The following NTM variants were observed in gnomAD, a reference collection of about 807,000 sequenced individuals.
The protein encoded by NTM is IgLON family member 2.
NTM carries 13 observed loss-of-function variants against 42.1 expected under a neutral mutation model. That is an observed-to-expected ratio of 0.31 (90% confidence interval 0.20 to 0.49). The LOEUF (loss-of-function observed/expected upper bound fraction) is 0.49. Ranked by LOEUF, NTM falls within the 20% of genes least tolerant of loss-of-function variation. The probability of loss-of-function intolerance (pLI) is 0.99; values close to 1 mark genes in which losing one functional copy is unlikely to be tolerated. For missense variants in NTM, 373 were observed against 452.8 expected, an observed-to-expected ratio of 0.82 and a Z score of 1.60; for synonymous variants, 187 against 179.2, an observed-to-expected ratio of 1.04 and a Z score of -0.35.
At chr11:131,507,976 C>A (rs974043978) in intron 1 of NTM, among the ~76,000 whole-genome samples, 4 of 152,082 alleles carry the variant, frequency 2.6e-5, no homozygotes, top group African/African-American at 9.7e-5. Context: ...TAGGCACGGG[C>A]AAGGACTTCA....
chr11:132,191,378 C>A (rs1035674174), intron 3 of NTM, among the ~76,000 whole-genome samples: 8 of 152,214 alleles, frequency 5.3e-5, no homozygotes, highest in African/African-American at 1.9e-4. Flanking sequence ...CAAGTTCCAG[C>A]CCAACAGGGT....
chr11:131,372,523 A>G (rs1481556749), intron 1 of NTM, among the ~76,000 whole-genome samples: 2 of 152,122 alleles, frequency 1.3e-5, no homozygotes, highest in Admixed American at 1.3e-4. Context: ...AGCTGAGTTC[A>G]GGATCGGGCA....
intron 1 of NTM, among the ~76,000 whole-genome samples, chr11:131,390,941 G>A (rs868608865): frequency 3.3e-5 from 5 of 152,086 alleles, no homozygotes; most frequent in Non-Finnish European, 1.5e-5. Flanking sequence ...GCTCACTCAG[G>A]GTTCGTATGT....
chr11:132,022,583 C>T (rs188272206), intron 2 of NTM, among the ~76,000 whole-genome samples: 72 of 152,340 alleles, frequency 4.7e-4, no homozygotes, highest in Non-Finnish European at 8.8e-5. Flanking sequence ...CTAGATCCTA[C>T]CTCTGACTGT....
At chr11:132,150,983 T>A (rs2071765914) in intron 3 of NTM, among the ~76,000 whole-genome samples, 1 of 152,194 alleles carries the variant, frequency 6.6e-6, no homozygotes. Flanking sequence ...GTCCTGAACA[T>A]AATCTTTTTG....
intron 2 of NTM, among the ~76,000 whole-genome samples, chr11:131,922,433 C>T (rs578235712): frequency 4.5e-4 from 68 of 152,322 alleles, no homozygotes; most frequent in East Asian, 1.9e-4. Context: ...GTACCCTTGA[C>T]GCAAGGCCCA....
chr11:132,218,612 T>A (rs2084437580), intron 4 of NTM, among the ~76,000 whole-genome samples: 1 of 152,076 alleles, frequency 6.6e-6, no homozygotes, highest in South Asian at 2.1e-4. Context: ...TCTGCTAGAG[T>A]ATCAGAATCC....
chr11:131,810,441 C>G (rs1385185386), intron 1 of NTM, among the ~76,000 whole-genome samples: 3 of 152,174 alleles, frequency 2.0e-5, no homozygotes, highest in African/African-American at 7.2e-5. Context: ...TCTGCACCCC[C>G]CAATCTGGAC....
chr11:132,275,805 C>T (rs770719354), intron 4 of NTM, among the ~76,000 whole-genome samples: 3 of 139,572 alleles, frequency 2.1e-5, no homozygotes, highest in East Asian at 4.0e-4. Flanking sequence ...GTATAGCCAT[C>T]GCCTCATGTA....
At chr11:132,318,836 G>A (rs1048597608) in intron 7 of NTM, among the ~76,000 whole-genome samples, 3 of 152,154 alleles carry the variant, frequency 2.0e-5, no homozygotes, top group African/African-American at 7.2e-5. Flanking sequence ...TCAGAGGATG[G>A]CTGTAGACTT....
intron 1 of NTM, among the ~76,000 whole-genome samples, chr11:131,613,258 C>T (rs976798602): frequency 1.3e-5 from 2 of 152,200 alleles, no homozygotes; most frequent in African/African-American, 4.8e-5. Context: ...ACAAGCAGAC[C>T]CTGATGCCCT....
chr11:131,983,116 C>G (rs578058290), intron 2 of NTM, among the ~76,000 whole-genome samples: 23 of 151,608 alleles, frequency 1.5e-4, no homozygotes, highest in Middle Eastern at 3.4e-3. Context: ...GAGGCAAAAG[C>G]AAATCTGCCT....
chr11:131,446,242 A>T (rs1350140080), intron 1 of NTM, among the ~76,000 whole-genome samples: 1 of 149,782 alleles, frequency 6.7e-6, no homozygotes, highest in Admixed American at 6.7e-5. Context: ...TACAATTTGC[A>T]TTCTGGACAA....
At chr11:131,886,194 A>C (rs1173064817) in intron 1 of NTM, among the ~76,000 whole-genome samples, 1 of 152,158 alleles carries the variant, frequency 6.6e-6, no homozygotes, top group African/African-American at 2.4e-5. Context: ...TCCTGGTTAA[A>C]TGCTTTCTAG....
At chr11:132,018,322 C>T (rs1379898153) in intron 2 of NTM, among the ~76,000 whole-genome samples, 1 of 151,862 alleles carries the variant, frequency 6.6e-6, no homozygotes, top group East Asian at 1.9e-4. Context: ...TGGGGGAAAA[C>T]ATTTAGTCTT....
chr11:131,740,198 C>T (rs957572972), intron 1 of NTM, among the ~76,000 whole-genome samples: 2 of 152,152 alleles, frequency 1.3e-5, no homozygotes, highest in African/African-American at 4.8e-5. Flanking sequence ...ATTCAATTCC[C>T]AGCCTCACTG....
intron 1 of NTM, among the ~76,000 whole-genome samples, chr11:131,417,542 T>C (rs1226655689): frequency 6.6e-6 from 1 of 152,210 alleles, no homozygotes; most frequent in East Asian, 1.9e-4. Flanking sequence ...TGGGTTATTC[T>C]GAATACTGTA....
At chr11:132,044,423 C>G (rs2077694958) in intron 2 of NTM, among the ~76,000 whole-genome samples, 1 of 152,110 alleles carries the variant, frequency 6.6e-6, no homozygotes, top group African/African-American at 2.4e-5. Context: ...GTTGGGAAAT[C>G]TGAGGCCAAA....
intron 1 of NTM, among the ~76,000 whole-genome samples, chr11:131,699,559 T>C (rs969919980): frequency 6.6e-6 from 1 of 152,166 alleles, no homozygotes; most frequent in African/African-American, 2.4e-5. Context: ...ATTCTCATGC[T>C]GCTAATAAAG....
Sources: gnomAD v4.1 joint callset for allele counts (sites outside exome capture counted in the v4.1 genomes callset) on GRCh38, gnomAD v4.1.1 for gene constraint, MANE v1.5 for transcripts, NCBI Gene and HGNC (gene_info 2026-07-23, HGNC 2026-07-21) for gene names.